Variants in TBC1D12 observed in about 807,000 individuals in gnomAD.
TBC1D12 encodes TBC1 domain family member 12.
Under a neutral mutation model 86.7 loss-of-function variants are expected in TBC1D12, and 56 were observed. The observed-to-expected ratio is 0.65, with a 90% CI of 0.52 to 0.81. The LOEUF is 0.81. TBC1D12 is among the 30% of genes least tolerant of loss of function. The pLI, the probability that TBC1D12 is intolerant of heterozygous loss-of-function variation, is 0.00. For synonymous variants in TBC1D12, 421 were observed against 411.7 expected, an observed-to-expected ratio of 1.02 and a Z score of -0.27; for missense variants, 1,023 against 1,038.8, an observed-to-expected ratio of 0.98 and a Z score of 0.21.
intron 1 of TBC1D12, among the ~76,000 whole-genome samples, chr10:94,438,507 C>T (rs2055336226): frequency 6.6e-6 from 1 of 152,072 alleles, no homozygotes; most frequent in Non-Finnish European, 1.5e-5. Context: ...GCCAGACCAA[C>T]CAAAATGTAC....
At chr10:94,404,474 G>A (rs1188144686) in intron 1 of TBC1D12, among the ~76,000 whole-genome samples, 2 of 150,292 alleles carry the variant, frequency 1.3e-5, no homozygotes, top group Non-Finnish European at 3.0e-5. Context: ...GGTGAAACCC[G>A]GTTTCTACTA....
intron 4 of TBC1D12, among the ~76,000 whole-genome samples, chr10:94,495,906 A>G (rs1446944031): frequency 6.6e-6 from 1 of 152,144 alleles, no homozygotes; most frequent in Non-Finnish European, 1.5e-5. Flanking sequence ...GTTTGAGACC[A>G]GCCTGGCCAG....
chr10:94,496,953 A>AT, intron 4 of TBC1D12, 102 bp from the exon 5 acceptor site: 1 of 575,522 alleles, frequency 1.7e-6, no homozygotes, highest in Non-Finnish European at 2.8e-6. Flanking sequence ...TTATGATAAT[A>AT]TTCTTTTTGA....
At chr10:94,526,432 G>C in intron 11 of TBC1D12, among the ~76,000 whole-genome samples, 2 of 110,988 alleles carry the variant, frequency 1.8e-5, no homozygotes, top group Middle Eastern at 0.011. Context: ...CTGTCTCTGA[G>C]AAAAAAAAAA....
chr10:94,430,176 A>T (rs536611278), intron 1 of TBC1D12, among the ~76,000 whole-genome samples: 1 of 152,326 alleles, frequency 6.6e-6, no homozygotes, highest in African/African-American at 2.4e-5. Flanking sequence ...GTGTGTGCCC[A>T]GTGTTGAATC....
intron 1 of TBC1D12, among the ~76,000 whole-genome samples, chr10:94,413,104 C>T (rs1371222817): frequency 3.3e-5 from 5 of 152,190 alleles, no homozygotes. Context: ...TTATAGCTCA[C>T]ATTGCTTTAC....
At position 94,493,353 on chromosome 10, in the gene TBC1D12, T is replaced by C; in HGVS notation, c.1212-12T>C. 2 of 1,601,540 alleles carry C rather than the reference T, an allele frequency of 1.2e-6. No individual in the cohort carries two copies. Among genetic ancestry groups the C allele is most frequent in the Non-Finnish European group, 1.7e-6 (2 of 1,175,530 alleles). The stretch of plus-strand genomic sequence containing the variant: ...TAAAAATTGTCTTGACTTAAGTAAT[T>C]TTTTTTTCCAGAAATCTTCCTGCCA... On this transcript the variant is annotated splice_polypyrimidine_tract_variant and intron_variant, in intron 3 of 12. Transcript: ENST00000225235.
At chr10:94,407,727 G>A (rs1423347869) in intron 1 of TBC1D12, among the ~76,000 whole-genome samples, 1 of 151,588 alleles carries the variant, frequency 6.6e-6, no homozygotes, top group Admixed American at 6.6e-5. Flanking sequence ...GCAGTAAGGA[G>A]GAGTGAAAGC....
intron 1 of TBC1D12, among the ~76,000 whole-genome samples, chr10:94,422,035 T>G (rs1413324768): frequency 6.6e-6 from 1 of 152,204 alleles, no homozygotes; most frequent in Non-Finnish European, 1.5e-5. Context: ...TTAAATTTTA[T>G]GTATATACAG....
At chr10:94,482,838 C>T (rs2056097378) in intron 3 of TBC1D12, among the ~76,000 whole-genome samples, 3 of 152,096 alleles carry the variant, frequency 2.0e-5, no homozygotes, top group Admixed American at 6.6e-5. Context: ...AACCATGTTT[C>T]TACTCTCTAT....
intron 3 of TBC1D12, among the ~76,000 whole-genome samples, chr10:94,489,300 C>A (rs912161151): frequency 1.3e-5 from 2 of 152,168 alleles, no homozygotes; most frequent in African/African-American, 4.8e-5. Flanking sequence ...GCATTAAGTT[C>A]AATGCAAAGT....
At chr10:94,461,242 A>C (rs564830639) in intron 2 of TBC1D12, among the ~76,000 whole-genome samples, 8 of 152,152 alleles carry the variant, frequency 5.3e-5, no homozygotes, top group African/African-American at 1.9e-4. Context: ...TAGTCCTATG[A>C]TTGGGTCTTA....
At chr10:94,531,742 A>C (rs1842427715) in intron 12 of TBC1D12, among the ~76,000 whole-genome samples, 1 of 140,958 alleles carries the variant, frequency 7.1e-6, no homozygotes, top group African/African-American at 2.6e-5. Context: ...ATGTTATGTT[A>C]TTTTATGTTA....
intron 9 of TBC1D12, among the ~76,000 whole-genome samples, chr10:94,520,521 A>G (rs1426150000): frequency 2.0e-5 from 3 of 151,806 alleles, no homozygotes; most frequent in African/African-American, 7.3e-5. Context: ...ATTGCACTCC[A>G]GCCTGGGCTA....
intron 2 of TBC1D12, among the ~76,000 whole-genome samples, chr10:94,445,283 C>G (rs1233075169): frequency 6.6e-6 from 1 of 151,578 alleles, no homozygotes; most frequent in Non-Finnish European, 1.5e-5. Flanking sequence ...CACTTGAACC[C>G]GGGAGGCGGA....
chr10:94,507,712 C>T (rs978570754), intron 7 of TBC1D12, among the ~76,000 whole-genome samples: 13 of 152,084 alleles, frequency 8.5e-5, no homozygotes, highest in Middle Eastern at 3.4e-3. Flanking sequence ...TGAGGCTGGG[C>T]GGATGGCTCA....
At chr10:94,411,735 G>T (rs1343058822) in intron 1 of TBC1D12, among the ~76,000 whole-genome samples, 3 of 152,264 alleles carry the variant, frequency 2.0e-5, no homozygotes, top group South Asian at 2.1e-4. Context: ...AAGGTGGGGG[G>T]ACTGCTTCAG....
At chr10:94,484,935 T>G (rs938713888) in intron 3 of TBC1D12, among the ~76,000 whole-genome samples, 1 of 152,218 alleles carries the variant, frequency 6.6e-6, no homozygotes, top group Non-Finnish European at 1.5e-5. Context: ...TTACTGATTT[T>G]TGTCTGTTGA....
At chr10:94,521,221 C>CA (rs1294257279) in intron 9 of TBC1D12, among the ~76,000 whole-genome samples, 1,848 of 48,128 alleles carry the variant, frequency 0.038, 22 homozygotes, top group African/African-American at 0.087. Context: ...AAAAAGAAAC[C>CA]AAAAAAAAAA....
Sources: allele counts gnomAD v4.1 joint callset (sites outside exome capture counted in the v4.1 genomes callset), GRCh38; gene constraint gnomAD v4.1.1; transcripts MANE v1.5; gene names NCBI Gene and HGNC (gene_info 2026-07-23, HGNC 2026-07-21).